Variants in METAP2 observed in about 807,000 individuals in gnomAD.
METAP2 encodes the protein methionine aminopeptidase 2.
In METAP2, 25 loss-of-function variants were observed where a neutral mutation model predicts 59.4. The ratio of observed to expected loss-of-function variants is 0.42; its 90% CI spans 0.31 to 0.59. The LOEUF (loss-of-function observed/expected upper bound fraction) is 0.59. METAP2 is among the 20% of genes least tolerant of loss of function. The pLI is 0.16. For missense variants in METAP2, 366 were observed against 581.2 expected (o/e 0.63, Z 3.81); for synonymous variants, 214 against 194.1 (o/e 1.10, Z -0.85).
At chr12:95,476,514 A>AAAAGAAAGAAAGAAAGAAAG (rs373561404) in intron 2 of METAP2, among the ~76,000 whole-genome samples, 28 of 140,970 alleles carry the variant, frequency 2.0e-4, no homozygotes, top group African/African-American at 6.4e-4. Flanking sequence ...TGTCTCAAAA[A>AAAAGAAAGAAAGAAAGAAAG]AAAGAAAGAA....
chr12:95,500,645 A>T (rs77150372), intron 7 of METAP2, among the ~76,000 whole-genome samples: 4,265 of 152,228 alleles, frequency 0.028, 186 homozygotes, highest in African/African-American at 0.097. Flanking sequence ...AGACAGTCAT[A>T]TGGTTATTTT....
intron 8 of METAP2, among the ~76,000 whole-genome samples, chr12:95,505,534 G>A (rs1395242970): frequency 6.6e-6 from 1 of 151,998 alleles, no homozygotes; most frequent in Non-Finnish European, 1.5e-5. Context: ...CACCCAGGCT[G>A]GAGTGCAGTG....
rs868799922 is a variant in METAP2, at chr12:95,513,642, C to T, written c.1185-10C>T. 40 of 1,607,416 alleles carry T rather than the reference C, an allele frequency of 2.5e-5. 3 individuals carry two copies. In the Middle Eastern group the frequency reaches 6.5e-3, roughly 261 times the overall value. Reference sequence around the variant, plus strand: ...TTGCCAACAGTTAATTTTGGATTTTCTCCTCTTAGGCTTCCAAGAACAAAA... The same window carrying T: ...TTGCCAACAGTTAATTTTGGATTTTTTCCTCTTAGGCTTCCAAGAACAAAA... On this transcript the variant is annotated splice_polypyrimidine_tract_variant and intron_variant, in intron 10 of 10. Transcript: ENST00000323666.
chr12:95,507,777 ATT>A (rs1381081407), intron 8 of METAP2, among the ~76,000 whole-genome samples: 14 of 140,600 alleles, frequency 1.0e-4, no homozygotes, highest in Non-Finnish European at 7.8e-5. Context: ...GATTCTCATG[ATT>A]TTTTTTTTTT....
chr12:95,495,899 A>T (rs987772907), intron 6 of METAP2, 105 bp from the exon 7 acceptor site: 9 of 697,504 alleles, frequency 1.3e-5, no homozygotes, highest in Non-Finnish European at 2.2e-5. Context: ...TTGAGCCTTC[A>T]TTCTATTTTT....
At chr12:95,496,971 C>T (rs990633062) in intron 7 of METAP2, among the ~76,000 whole-genome samples, 7 of 151,648 alleles carry the variant, frequency 4.6e-5, no homozygotes, top group Admixed American at 6.6e-5. Flanking sequence ...ATTACAGGCA[C>T]GCACAACCAC....
chr12:95,487,236 A>G (rs981406514), intron 4 of METAP2, among the ~76,000 whole-genome samples: 2 of 152,216 alleles, frequency 1.3e-5, no homozygotes, highest in African/African-American at 4.8e-5. Flanking sequence ...ACTTAAGAGT[A>G]TTGCTTAATC....
At chr12:95,488,317 T>C (rs890703256) in intron 4 of METAP2, among the ~76,000 whole-genome samples, 1 of 151,574 alleles carries the variant, frequency 6.6e-6, no homozygotes, top group African/African-American at 2.4e-5. Context: ...CTGGCCAACA[T>C]GGTAAAACCC....
chr12:95,514,112 CTG>C lies in METAP2; in HGVS notation c.*210_*211del. ...AGCTTTCCGGACTTTTAAATGCTAA[CTG>C]TTTTTCCCCTTCCTGTCTAGGAAAA... is the stretch of plus-strand genomic sequence containing the variant. On this transcript the variant is annotated 3_prime_UTR_variant, in exon 11 of 11. Transcript: ENST00000323666. 1.9e-6 allele frequency: 1 copy of C among 531,952 alleles called. No homozygotes were observed. The highest frequency in any genetic ancestry group is 3.2e-5 in the East Asian group (1 of 31,486). 33.0% of individuals were successfully genotyped at this position (531,952 alleles called of 1,614,324 possible).
chr12:95,506,296 C>CTTT (rs59794359), intron 8 of METAP2, among the ~76,000 whole-genome samples: 17 of 119,742 alleles, frequency 1.4e-4, no homozygotes, highest in Non-Finnish European at 2.3e-4. Context: ...AATATATATG[C>CTTT]TTTTTTTTTT....
At position 95,504,180 on chromosome 12, in the gene METAP2, T is replaced by G. The variant is rs1343672590; in HGVS notation, c.964+19T>G. On this transcript the variant is annotated intron_variant, in intron 8 of 10. Transcript: ENST00000323666. ...TATCAAGGTATGTTCTTTTAAAATA[T>G]ATCTTATTTTGAAATTGATTTTACA... 2.1e-6 allele frequency: 3 copies of G among 1,462,872 alleles called. No individual in the cohort carries two copies. Among genetic ancestry groups the G allele is most frequent in the Non-Finnish European group, 2.9e-6 (3 of 1,051,954 alleles). The allele number at this position is 1,462,872 out of a possible 1,614,324, so 90.6% of individuals were successfully genotyped here.
intron 7 of METAP2, among the ~76,000 whole-genome samples, chr12:95,497,487 C>A (rs1399108452): frequency 6.6e-6 from 1 of 152,222 alleles, no homozygotes; most frequent in Non-Finnish European, 1.5e-5. Flanking sequence ...CTGATAGACA[C>A]TTGGATTGCT....
chr12:95,474,482 T>A (rs751265689), intron 1 of METAP2, 152 bp downstream of exon 1: 1 of 782,278 alleles, frequency 1.3e-6, no homozygotes, highest in Non-Finnish European at 2.0e-6. Flanking sequence ...TATAGATTCC[T>A]AGTCTGAGAA....
chr12:95,513,337 A>G (rs1489582768), intron 10 of METAP2, among the ~76,000 whole-genome samples: 1 of 152,154 alleles, frequency 6.6e-6, no homozygotes, highest in Admixed American at 6.5e-5. Context: ...AGCTTGCTGC[A>G]CACAAAAGGA....
chr12:95,506,775 C>T (rs1594436186), intron 8 of METAP2, among the ~76,000 whole-genome samples: 1 of 145,086 alleles, frequency 6.9e-6, no homozygotes, highest in East Asian at 2.0e-4. Context: ...ATCCTGTGAA[C>T]ACAAGTGCAA....
intron 10 of METAP2, 68 bp from the exon 11 acceptor site, chr12:95,513,584 T>A (rs1370709764): frequency 6.5e-7 from 1 of 1,542,704 alleles, no homozygotes; most frequent in Non-Finnish European, 8.8e-7. Context: ...GGTCTGGGCT[T>A]TTCTTAATGA....
intron 7 of METAP2, among the ~76,000 whole-genome samples, chr12:95,500,177 G>T (rs2076305072): frequency 6.6e-6 from 1 of 151,370 alleles, no homozygotes; most frequent in Non-Finnish European, 1.5e-5. Flanking sequence ...TATTGTTAAT[G>T]GAATTGTTTT....
chr12:95,476,197 C>T lies in METAP2; in HGVS notation c.259+19C>T. The T allele has an allele frequency of 6.6e-7, 1 of 1,515,982 alleles. No homozygotes were observed. Among genetic ancestry groups the T allele is most frequent in the Non-Finnish European group, 9.1e-7 (1 of 1,101,668 alleles). 93.9% of individuals were successfully genotyped at this position (1,515,982 alleles called of 1,614,324 possible). ...GATGAAGGTAAATGGTTAATTTGAT[C>T]TTTGTGGTTAGAAAAGCTAGAAAAT... On this transcript the variant is annotated intron_variant, in intron 2 of 10. Transcript: ENST00000323666.
At chr12:95,495,231 A>G (rs1202833709) in intron 6 of METAP2, 93 bp downstream of exon 6, 1 of 1,101,672 alleles carries the variant, frequency 9.1e-7, no homozygotes, top group Non-Finnish European at 1.3e-6. Context: ...GAACTCCCAA[A>G]TTTTGTTCTT....
Sources: allele counts gnomAD v4.1 joint callset (sites outside exome capture counted in the v4.1 genomes callset), GRCh38; gene constraint gnomAD v4.1.1; transcripts MANE v1.5; gene names NCBI Gene and HGNC (gene_info 2026-07-23, HGNC 2026-07-21).